The following PCDH11X variants were observed in gnomAD, a reference collection of about 807,000 sequenced individuals.
PCDH11X encodes protocadherin 11 X-linked.
PCDH11X carries 18 observed loss-of-function variants against 53.3 expected under a neutral mutation model. The ratio of observed to expected loss-of-function variants is 0.34; its 90% CI spans 0.23 to 0.50. The LOEUF (loss-of-function observed/expected upper bound fraction) is 0.50, where lower values mean the gene tolerates loss of function less well. PCDH11X is among the 20% of genes least tolerant of loss of function. The pLI, the probability that PCDH11X is intolerant of heterozygous loss-of-function variation, is 0.98. For missense variants in PCDH11X, 570 were observed against 1,032.4 expected, an observed-to-expected ratio of 0.55 and a Z score of 6.14; for synonymous variants, 279 against 393.3, an observed-to-expected ratio of 0.71 and a Z score of 3.44.
intron 8 of PCDH11X, among the ~76,000 whole-genome samples, chrX:92,319,999 A>G (rs1285133654): frequency 3.6e-5 from 4 of 110,910 alleles, no homozygotes; most frequent in South Asian, 7.6e-4. Flanking sequence ...ATCAATGTTC[A>G]TGTATGTTCA....
chrX:92,143,202 C>T (rs12841134), intron 6 of PCDH11X, among the ~76,000 whole-genome samples: 1 of 111,708 alleles, frequency 9.0e-6, no homozygotes, highest in Non-Finnish European at 1.9e-5. Context: ...ATCATTTAAG[C>T]CAGGGAGGTC....
rs370267436 is a variant in PCDH11X at position 91,885,723 on chromosome X, C to A, written c.3033+6450C>A. 2.1e-4 allele frequency among the ~76,000 whole-genome samples: 23 copies of A among 110,959 alleles called. No homozygotes were observed. The East Asian group carries it at 2.3e-3, about 11-fold the overall frequency. ...TTTGTATATATGAAGATGAAAATTC[C>A]TTGAAATAATTATCCAGAATTTCTT... is the stretch of plus-strand genomic sequence containing the variant. On this transcript the variant is annotated intron_variant, in intron 6 of 10. Transcript: ENST00000682573.
intron 10 of PCDH11X, among the ~76,000 whole-genome samples, chrX:92,542,399 A>G (rs957378381): frequency 1.4e-4 from 16 of 111,758 alleles, no homozygotes; most frequent in African/African-American, 5.2e-4. Flanking sequence ...CAAACGTTTG[A>G]CTTTACAATT....
chrX:91,962,985 A>G (rs181107015), intron 6 of PCDH11X, among the ~76,000 whole-genome samples: 2,248 of 111,013 alleles, frequency 0.02, 64 homozygotes, highest in African/African-American at 0.07. Flanking sequence ...CCAGCCAAAA[A>G]AAAAACATTT....
At chrX:92,080,009 G>A (rs1469532289) in intron 6 of PCDH11X, among the ~76,000 whole-genome samples, 1 of 111,404 alleles carries the variant, frequency 9.0e-6, no homozygotes, top group Non-Finnish European at 1.9e-5. Flanking sequence ...CCTTAAAGTA[G>A]GGAGATTATT....
intron 6 of PCDH11X, among the ~76,000 whole-genome samples, chrX:92,030,837 A>T (rs2063037615): frequency 9.5e-6 from 1 of 105,287 alleles, no homozygotes; most frequent in African/African-American, 3.6e-5. Flanking sequence ...CCTTTCTATG[A>T]TTGAAAATCA....
At chrX:92,313,010 A>G (rs2068983434) in intron 8 of PCDH11X, among the ~76,000 whole-genome samples, 2 of 111,588 alleles carry the variant, frequency 1.8e-5, no homozygotes, top group Non-Finnish European at 3.8e-5. Flanking sequence ...CCTATAAAAT[A>G]GTCTCTTCAT....
intron 6 of PCDH11X, among the ~76,000 whole-genome samples, chrX:92,005,876 C>T (rs2062591053): frequency 8.9e-6 from 1 of 111,845 alleles, no homozygotes; most frequent in South Asian, 3.7e-4. Context: ...GCTGGATATA[C>T]TATTCTAGGG....
intron 10 of PCDH11X, among the ~76,000 whole-genome samples, chrX:92,607,429 T>G (rs1926939590): frequency 8.9e-6 from 1 of 111,754 alleles, no homozygotes; most frequent in Admixed American, 9.5e-5. Flanking sequence ...GCAAATCTAT[T>G]GAGACAGAAA....
chrX:92,544,503 C>A (rs981813323), intron 10 of PCDH11X, among the ~76,000 whole-genome samples: 1 of 108,980 alleles, frequency 9.2e-6, no homozygotes, highest in African/African-American at 3.3e-5. Context: ...TTGAGGTACA[C>A]TGAAAAGTCA....
chrX:92,180,194 A>G (rs371042227), intron 6 of PCDH11X, among the ~76,000 whole-genome samples: 1 of 111,096 alleles, frequency 9.0e-6, no homozygotes, highest in East Asian at 2.9e-4. Context: ...GAAGCACTAC[A>G]TTCTGTTTAA....
intron 7 of PCDH11X, among the ~76,000 whole-genome samples, chrX:92,254,065 G>A: frequency 8.9e-6 from 1 of 111,937 alleles, no homozygotes; most frequent in African/African-American, 3.2e-5. Flanking sequence ...ATGTGAGTCT[G>A]TCATATATGG....
chrX:92,205,667 C>T (rs1282710276), intron 7 of PCDH11X, among the ~76,000 whole-genome samples: 1 of 101,271 alleles, frequency 9.9e-6, no homozygotes, highest in East Asian at 3.2e-4. Context: ...ATGGAATGAT[C>T]TCAGCTCACT....
chrX:92,219,020 T>C (rs1254025325), intron 7 of PCDH11X, among the ~76,000 whole-genome samples: 2 of 111,440 alleles, frequency 1.8e-5, no homozygotes, highest in Non-Finnish European at 3.8e-5. Context: ...AAACTCTCAA[T>C]AAATTAGGTA....
intron 6 of PCDH11X, among the ~76,000 whole-genome samples, chrX:92,146,809 G>T (rs2065274197): frequency 9.1e-6 from 1 of 110,385 alleles, no homozygotes; most frequent in Non-Finnish European, 1.9e-5. Flanking sequence ...GACCAGCCTG[G>T]CCAGCAAGGC....
At chrX:92,175,756 A>ATGTG (rs751094829) in intron 6 of PCDH11X, among the ~76,000 whole-genome samples, 27,552 of 70,715 alleles carry the variant, frequency 0.39, 4,380 homozygotes, top group Middle Eastern at 0.48. Context: ...GTATACATAT[A>ATGTG]TGTGTGTGTG....
chrX:92,092,969 G>A (rs34289327), intron 6 of PCDH11X, among the ~76,000 whole-genome samples: 2,614 of 110,883 alleles, frequency 0.024, 73 homozygotes, highest in African/African-American at 0.082. Context: ...TGATTGAGTT[G>A]TTGCAAGACC....
intron 6 of PCDH11X, among the ~76,000 whole-genome samples, chrX:91,904,748 T>C (rs1941088314): frequency 9.1e-6 from 1 of 110,365 alleles, no homozygotes. Context: ...CATTCTATAA[T>C]ACATTTAGAT....
At chrX:91,833,808 A>G (rs921515091) in intron 4 of PCDH11X, among the ~76,000 whole-genome samples, 6 of 111,911 alleles carry the variant, frequency 5.4e-5, no homozygotes, top group Non-Finnish European at 7.5e-5. Context: ...GCAATGGGAC[A>G]GTTATTTCAT....
Sources: allele counts gnomAD v4.1 joint callset (sites outside exome capture counted in the v4.1 genomes callset), GRCh38; gene constraint gnomAD v4.1.1; transcripts MANE v1.5; gene names NCBI Gene and HGNC (gene_info 2026-07-23, HGNC 2026-07-21).